Variants in SMC4 observed in about 807,000 individuals in gnomAD.
SMC4 encodes structural maintenance of chromosomes 4.
In SMC4, 87 loss-of-function variants were observed where a neutral mutation model predicts 145.6. The observed-to-expected ratio is 0.60, with a 90% confidence interval of 0.50 to 0.71. The LOEUF (loss-of-function observed/expected upper bound fraction) is 0.71, where lower values mean the gene tolerates loss of function less well. Among genes scored for constraint, SMC4 ranks in the 30% least tolerant of loss-of-function variants. The pLI is 0.00. For missense variants in SMC4, 1,447 were observed against 1,537.1 expected (o/e 0.94, Z 0.98); for synonymous variants, 558 against 500.7 (o/e 1.11, Z -1.53).
rs1455781671 is a variant in SMC4 at position 160,412,383 on chromosome 3, A to T, written c.910A>T (p.Ile304Leu). The T allele has an allele frequency of 6.2e-7, 1 of 1,605,178 alleles. No homozygotes were observed. The highest frequency in any genetic ancestry group is 2.2e-5 in the East Asian group (1 of 44,694). ...EKDALEGEKN[I>L]AIEFLTLENE... Reference sequence around the variant, plus strand: ...GGATGCCTTAGAAGGAGAGAAAAACATAGCTATCGAATTTCTTACCTTGGA... The same window carrying T: ...GGATGCCTTAGAAGGAGAGAAAAACTTAGCTATCGAATTTCTTACCTTGGA... The change falls in exon 7 of 24, where the codon ATA (isoleucine) becomes TTA (leucine). Residue 304 changes from isoleucine (I) to leucine (L), a missense_variant. By Grantham distance (5) the Ile-to-Leu change is conservative (BLOSUM62 2). Coordinates refer to ENST00000357388, the MANE Select transcript of SMC4 (RefSeq NM_001002800.3).
Position 160,432,442 on chromosome 3 carries a change from C to T in SMC4, c.3457C>T (p.Leu1153Phe). 6.2e-7 allele frequency: 1 copy of T among 1,613,118 alleles called. No individual in the cohort carries two copies. Among genetic ancestry groups the T allele is most frequent in the Non-Finnish European group, 8.5e-7 (1 of 1,179,468 alleles). The change falls in exon 22 of 24, where the codon CTT becomes TTT. Residue 1153 changes from leucine (L) to phenylalanine (F), a missense_variant. By Grantham distance (22) the Leu-to-Phe change is conservative (BLOSUM62 0). Coordinates refer to ENST00000357388, the MANE Select transcript of SMC4 (RefSeq NM_001002800.3). ...TNKLKENYQM[L>F]TLGGDAELEL... is the part of the protein sequence containing the mutation. ...TAAATTAAAGGAAAATTACCAAATGCTTACTTTGGGAGGGGACGCCGAACT... is the reference window on the plus strand; with the variant it reads ...TAAATTAAAGGAAAATTACCAAATGTTTACTTTGGGAGGGGACGCCGAACT...
chr3:160,415,231 C>G (rs2108473262), intron 9 of SMC4, among the ~76,000 whole-genome samples: 1 of 152,256 alleles, frequency 6.6e-6, no homozygotes, highest in Admixed American at 6.5e-5. Flanking sequence ...ATTAGCCAGG[C>G]TCAGTGGAAC....
intron 18 of SMC4, 23 bp from the exon 19 acceptor site, chr3:160,430,576 G>A: frequency 1.3e-6 from 2 of 1,529,802 alleles, no homozygotes. Flanking sequence ...CCACATTTTT[G>A]ATGCATCATT....
intron 9 of SMC4, 149 bp downstream of exon 9, chr3:160,414,666 C>G: frequency 2.4e-6 from 2 of 830,828 alleles, no homozygotes; most frequent in Non-Finnish European, 3.7e-6. Flanking sequence ...TTTACCCCCT[C>G]AAGGGAAACC....
chr3:160,400,888 C>T lies in SMC4; in HGVS notation c.62C>T (p.Pro21Leu). Residue 21 changes from proline (P) to leucine (L), a missense_variant, in exon 2 of 24, where the codon CCG (proline) becomes CTG (leucine). Pro to Leu is a moderately conservative substitution (Grantham distance 98). Coordinates refer to ENST00000357388, the MANE Select transcript of SMC4 (RefSeq NM_001002800.3). ...ARRREEGPPPPSPDGASSDAE... is the reference protein window; with the variant it reads ...ARRREEGPPPLSPDGASSDAE... Reference sequence around the variant, plus strand: ...CGCAGAGAGGAAGGGCCGCCGCCGCCGTCCCCTGACGGCGCCAGCAGCGAC... The same window carrying T: ...CGCAGAGAGGAAGGGCCGCCGCCGCTGTCCCCTGACGGCGCCAGCAGCGAC... The T allele has an allele frequency of 6.6e-7, 1 of 1,509,012 alleles. No homozygotes were observed. The highest frequency in any genetic ancestry group is 8.8e-7 in the Non-Finnish European group (1 of 1,137,858). 93.5% of individuals were successfully genotyped at this position (1,509,012 alleles called of 1,614,324 possible).
rs753117042 is a variant in SMC4 at position 160,416,295 on chromosome 3, T to C, written c.1317T>C (p.Ile439=). 2 of 1,597,686 alleles carry C rather than the reference T, an allele frequency of 1.3e-6. No individual in the cohort carries two copies. The highest frequency in any genetic ancestry group is 3.6e-5 in the Admixed American group (2 of 55,904). The change falls in exon 10 of 24, where the codon ATT becomes ATC. Residue 439 remains isoleucine, a synonymous_variant. Coordinates refer to ENST00000357388, the MANE Select transcript of SMC4 (RefSeq NM_001002800.3). The part of the protein sequence containing the change: ...KSIPAKSNNI[I]NETTTRNNAL... ...TACCTGCCAAGAGTAACAATATCAT[T>C]AATGAAACAACAACCAGAAACAATG...
intron 4 of SMC4, chr3:160,404,075 G>A (rs1715031264): frequency 2.6e-6 from 1 of 387,156 alleles, no homozygotes; most frequent in Admixed American, 4.6e-5. Flanking sequence ...TTTGGAGGTG[G>A]GTTTTTTCGT....
Position 160,420,827 on chromosome 3 carries a change from G to C in SMC4, c.1945G>C (p.Asp649His). 14 of 1,613,966 alleles carry C rather than the reference G, an allele frequency of 8.7e-6. No homozygotes were observed. Among genetic ancestry groups the C allele is most frequent in the Non-Finnish European group, 1.2e-5 (14 of 1,179,944 alleles). ...GGACTACATTGTTGTTGATTCTATT[G>C]ATATAGCCCAAGAATGTGTAAACTT... ...ALDYIVVDSIDIAQECVNFLK... is the reference protein window; with the variant it reads ...ALDYIVVDSIHIAQECVNFLK... Residue 649 changes from aspartate (D) to histidine (H), a missense_variant, in exon 13 of 24, where the codon GAT (aspartate) becomes CAT (histidine). Physicochemically the swap from Asp to His is moderately conservative, Grantham distance 81 (BLOSUM62 -1). Coordinates refer to ENST00000357388, the MANE Select transcript of SMC4 (RefSeq NM_001002800.3).
chr3:160,409,744 A>G (rs1715772411), intron 5 of SMC4, among the ~76,000 whole-genome samples: 1 of 152,136 alleles, frequency 6.6e-6, no homozygotes, highest in South Asian at 2.1e-4. Context: ...TTTTATTTGG[A>G]TGATAAACAC....
chr3:160,405,135 G>A (rs1715183570), intron 5 of SMC4, among the ~76,000 whole-genome samples: 2 of 151,950 alleles, frequency 1.3e-5, no homozygotes, highest in African/African-American at 4.8e-5. Flanking sequence ...ATATTACATT[G>A]TTAAGTATCA....
rs1182181650 is a variant in SMC4, at chr3:160,400,901, C to T, written c.75C>T (p.Gly25=). 2 of 1,500,038 alleles carry T rather than the reference C, an allele frequency of 1.3e-6. No homozygotes were observed. The highest frequency in any genetic ancestry group is 4.3e-5 in the Admixed American group (2 of 46,882). 92.9% of individuals were successfully genotyped at this position (1,500,038 alleles called of 1,614,324 possible). ...GGCCGCCGCCGCCGTCCCCTGACGG[C>T]GCCAGCAGCGACGCGGAGCCTGAGC... The part of the protein sequence containing the change: ...EEGPPPPSPD[G]ASSDAEPEPP... Residue 25 remains glycine (G), a synonymous_variant, in exon 2 of 24, where the codon GGC becomes GGT. Transcript: ENST00000357388.
chr3:160,400,048 C>T (rs969339915), intron 1 of SMC4: 1 of 152,446 alleles, frequency 6.6e-6, no homozygotes, highest in Admixed American at 6.5e-5. Flanking sequence ...GCGTCTCCCC[C>T]TACCCCTCTT....
chr3:160,402,655 G>A, intron 3 of SMC4, 21 bp from the exon 4 acceptor site: 1 of 1,590,780 alleles, frequency 6.3e-7, no homozygotes, highest in Non-Finnish European at 8.5e-7. Flanking sequence ...TCCGTGTTTT[G>A]TTTTTGTTTT....
chr3:160,408,978 AG>A (rs1382790832), intron 5 of SMC4, among the ~76,000 whole-genome samples: 1 of 152,146 alleles, frequency 6.6e-6, no homozygotes, highest in Non-Finnish European at 1.5e-5. Flanking sequence ...TTTAAAAAAA[AG>A]CAATACGGTA....
rs1465560999 is a variant in SMC4 at position 160,419,356 on chromosome 3, A to G, written c.1672-2A>G. ...TGGATTTCATTTTATTTTCACTTTTAGAAAGAAAAAGAACTTCAAAAACTT... is the reference window on the plus strand; with the variant it reads ...TGGATTTCATTTTATTTTCACTTTTGGAAAGAAAAAGAACTTCAAAAACTT... On this transcript the variant is annotated splice_acceptor_variant, in intron 11 of 23. Coordinates refer to ENST00000357388, the MANE Select transcript of SMC4 (RefSeq NM_001002800.3). LOFTEE classifies it high-confidence loss of function. The G allele has an allele frequency of 6.4e-6, 10 of 1,573,900 alleles. No individual in the cohort carries two copies. Among genetic ancestry groups the G allele is most frequent in the Non-Finnish European group, 2.6e-6 (3 of 1,161,770 alleles).
intron 5 of SMC4, 88 bp from the exon 6 acceptor site, chr3:160,411,832 C>A: frequency 9.4e-7 from 1 of 1,067,854 alleles, no homozygotes; most frequent in Non-Finnish European, 1.4e-6. Context: ...TTACTCTTGG[C>A]TTTATTATTT....
At chr3:160,417,646 TA>T (rs1212821082) in intron 10 of SMC4, 76 bp from the exon 11 acceptor site, 1 of 1,126,938 alleles carries the variant, frequency 8.9e-7, no homozygotes, top group Admixed American at 2.1e-5. Context: ...AAATCGAATA[TA>T]AAATGTATGG....
chr3:160,408,445 C>T (rs759223131), intron 5 of SMC4, among the ~76,000 whole-genome samples: 1 of 152,180 alleles, frequency 6.6e-6, no homozygotes, highest in Admixed American at 6.5e-5. Flanking sequence ...TCATTTAAGA[C>T]CTTGTTTCAT....
chr3:160,425,019 G>GGTTTGTGTGTGTGTGT lies in SMC4; in HGVS notation c.2478+2_2478+3insTTGTGTGTGTGTGTGT. The GGTTTGTGTGTGTGTGT allele has an allele frequency of 6.5e-6, 8 of 1,226,936 alleles. No individual in the cohort carries two copies. The highest frequency in any genetic ancestry group is 1.3e-5 in the South Asian group (1 of 74,486). The allele number at this position is 1,226,936 out of a possible 1,614,324, so 76.0% of individuals were successfully genotyped here. ...TAGAAAAATTTACTGCAAGCATCCAGGTATGTGTGTGTGTGTGTGTGTGTG... is the reference window on the plus strand; with the variant it reads ...TAGAAAAATTTACTGCAAGCATCCAGGTTTGTGTGTGTGTGTGTATGTGTGTGTGTGTGTGTGTGTG... On this transcript the variant is annotated frameshift_variant and splice_region_variant. Transcript: ENST00000357388. LOFTEE classifies it high-confidence loss of function.
Sources: gnomAD v4.1 joint callset for allele counts (sites outside exome capture counted in the v4.1 genomes callset) on GRCh38, gnomAD v4.1.1 for gene constraint, MANE v1.5 for transcripts, NCBI Gene and HGNC (gene_info 2026-07-23, HGNC 2026-07-21) for gene names.